CNBD1: variants seen among roughly 807,000 people sequenced by gnomAD.
The protein encoded by CNBD1 is cyclic nucleotide binding domain containing 1.
CNBD1 carries 71 observed loss-of-function variants against 54.4 expected under a neutral mutation model. That is an observed-to-expected ratio of 1.30 (90% CI 1.08 to 1.59). The LOEUF (loss-of-function observed/expected upper bound fraction) is 1.59, where lower values mean the gene tolerates loss of function less well. Among genes scored for constraint, CNBD1 ranks in the 40% most tolerant of loss-of-function variants. The probability of loss-of-function intolerance (pLI) is 0.00; values close to 1 mark genes in which losing one functional copy is unlikely to be tolerated. For synonymous variants in CNBD1, 182 were observed against 170.7 expected, an observed-to-expected ratio of 1.07 and a Z score of -0.51; for missense variants, 659 against 518.0, an observed-to-expected ratio of 1.27 and a Z score of -2.64.
In CNBD1 at chr8:87,183,394, T is replaced by G. The variant is rs1447912430; in HGVS notation, c.432-22599T>G. 4.9e-5 allele frequency among the ~76,000 whole-genome samples: 7 copies of G among 143,012 alleles called. No individual in the cohort carries two copies. In the South Asian group the frequency reaches 6.4e-4, roughly 13 times the overall value. The allele number at this position is 143,012 out of a possible 152,430, so 93.8% of individuals were successfully genotyped here. A position where few individuals can be genotyped will look rare whatever the true frequency, so the allele number is the denominator to read the frequency against. ...TGTTTTTGCGCTGTTTGTTTTTTTT[T>G]TTTTTTTTTGCTAATGATGGCTATA... is the stretch of plus-strand genomic sequence containing the variant. On this transcript the variant is annotated intron_variant, in intron 4 of 10. Transcript: ENST00000518476.
chr8:87,321,930 T>C lies in CNBD1; in HGVS notation c.1043-29755T>C, dbSNP rs550856205. Among the ~76,000 whole-genome samples the C allele has an allele frequency of 2.5e-4, 37 of 149,132 alleles. No homozygotes were observed. The South Asian group carries it at 7.7e-3, about 31-fold the overall frequency. Reference sequence around the variant, plus strand: ...ACCTCGTCATCTAGCCTTAGGTATATCTCCCAATGCTATGCCTCCCCGCTC... The same window carrying C: ...ACCTCGTCATCTAGCCTTAGGTATACCTCCCAATGCTATGCCTCCCCGCTC... On this transcript the variant is annotated intron_variant, in intron 8 of 10. Coordinates refer to ENST00000518476, the MANE Select transcript of CNBD1 (RefSeq NM_173538.3).
chr8:87,411,956 C>CT lies in CNBD1; in HGVS notation c.214-16583dup, dbSNP rs535347404. ...TGTACGGGAGAAGTGTTTGACATAG[C>CT]TTTTTTTGTTTTTCTTATTACTACA... On this transcript the variant is annotated intron_variant, in intron 2 of 7. Transcript: ENST00000521593. Among the ~76,000 whole-genome samples, 110 of 151,874 alleles carry CT rather than the reference C, an allele frequency of 7.2e-4. 1 individual carries two copies. The highest frequency in any genetic ancestry group is 2.5e-3 in the African/African-American group (105 of 41,494).
At chr8:87,186,404 C>A (rs905702471) in intron 4 of CNBD1, among the ~76,000 whole-genome samples, 2 of 152,108 alleles carry the variant, frequency 1.3e-5, no homozygotes, top group African/African-American at 4.8e-5. Flanking sequence ...AAAAATATTT[C>A]TTGACCATCT....
intron 4 of CNBD1, among the ~76,000 whole-genome samples, chr8:87,119,846 T>C (rs556096282): frequency 6.6e-6 from 1 of 152,230 alleles, no homozygotes; most frequent in East Asian, 1.9e-4. Context: ...CATCATATGG[T>C]TTTTGTCCAT....
At chr8:87,372,568 A>G (rs1488606325) in intron 10 of CNBD1, among the ~76,000 whole-genome samples, 4 of 151,926 alleles carry the variant, frequency 2.6e-5, no homozygotes, top group Non-Finnish European at 4.4e-5. Context: ...GAAGATTATG[A>G]TAGGTAGAAA....
chr8:86,963,824 CAG>C (rs1256293373), intron 4 of CNBD1, among the ~76,000 whole-genome samples: 4 of 152,132 alleles, frequency 2.6e-5, no homozygotes, highest in African/African-American at 9.7e-5. Context: ...TCTGAACCAC[CAG>C]AGTCAACGAA....
chr8:86,901,091 C>T (rs1347216906), intron 2 of CNBD1, among the ~76,000 whole-genome samples: 1 of 152,028 alleles, frequency 6.6e-6, no homozygotes, highest in East Asian at 1.9e-4. Context: ...TTTGTAGTGG[C>T]CTAATGTTAA....
intron 8 of CNBD1, among the ~76,000 whole-genome samples, chr8:87,332,282 A>C (rs972575828): frequency 1.3e-5 from 2 of 148,574 alleles, no homozygotes; most frequent in African/African-American, 5.0e-5. Flanking sequence ...CAGGAGGCGG[A>C]GGTTGCAGTG....
chr8:86,892,492 CAA>C (rs1299874882), intron 2 of CNBD1, among the ~76,000 whole-genome samples: 1 of 152,008 alleles, frequency 6.6e-6, no homozygotes, highest in African/African-American at 2.4e-5. Context: ...TTATTTAAAA[CAA>C]AAGAACTAAC....
intron 1 of CNBD1, among the ~76,000 whole-genome samples, chr8:86,876,411 T>C (rs934645741): frequency 1.3e-5 from 2 of 152,046 alleles, no homozygotes; most frequent in African/African-American, 4.8e-5. Context: ...TTTAATGATA[T>C]ATACTGTTAG....
intron 4 of CNBD1, among the ~76,000 whole-genome samples, chr8:86,971,347 G>C (rs976497956): frequency 6.6e-6 from 1 of 152,276 alleles, no homozygotes; most frequent in South Asian, 2.1e-4. Context: ...GGGAAACCAT[G>C]CTCATGATTC....
chr8:87,022,076 T>C (rs1039396747), intron 4 of CNBD1, among the ~76,000 whole-genome samples: 1 of 152,188 alleles, frequency 6.6e-6, no homozygotes, highest in Non-Finnish European at 1.5e-5. Context: ...TCTCATGGAA[T>C]GTCTTGGGTG....
chr8:87,316,317 T>C (rs1163531550), intron 8 of CNBD1, among the ~76,000 whole-genome samples: 1 of 152,004 alleles, frequency 6.6e-6, no homozygotes, highest in Non-Finnish European at 1.5e-5. Flanking sequence ...AAAATTCCTG[T>C]CTAAGTCAAT....
At chr8:87,041,328 G>A (rs1485833998) in intron 4 of CNBD1, among the ~76,000 whole-genome samples, 1 of 152,170 alleles carries the variant, frequency 6.6e-6, no homozygotes, top group Non-Finnish European at 1.5e-5. Flanking sequence ...GCATTTGGGT[G>A]TAGGGGGTTG....
At chr8:87,099,949 C>G (rs560743535) in intron 4 of CNBD1, among the ~76,000 whole-genome samples, 2 of 151,710 alleles carry the variant, frequency 1.3e-5, no homozygotes, top group East Asian at 3.9e-4. Flanking sequence ...AGTGGCAAAC[C>G]CTATTTGTGG....
At chr8:86,937,994 T>C (rs1563829099) in intron 3 of CNBD1, among the ~76,000 whole-genome samples, 2 of 152,184 alleles carry the variant, frequency 1.3e-5, no homozygotes, top group African/African-American at 2.4e-5. Context: ...ACCATATCTT[T>C]GTGAATACAT....
intron 2 of CNBD1, among the ~76,000 whole-genome samples, chr8:86,895,253 G>GGTGTGTGTGTGTGT (rs59497760): frequency 6.9e-6 from 1 of 144,820 alleles, no homozygotes; most frequent in African/African-American, 2.7e-5. Context: ...GTGTGTGCAT[G>GGTGTGTGTGTGTGT]GTGTGTGTGT....
intron 5 of CNBD1, 96 bp from the exon 6 acceptor site, chr8:87,236,821 TAC>T (rs1171382401): frequency 1.6e-6 from 1 of 628,198 alleles, no homozygotes; most frequent in Admixed American, 3.0e-5. Flanking sequence ...CTGAAAGAAA[TAC>T]GTTGAAAGTA....
At chr8:87,349,744 G>C (rs1412774462) in intron 8 of CNBD1, among the ~76,000 whole-genome samples, 1 of 152,176 alleles carries the variant, frequency 6.6e-6, no homozygotes, top group Non-Finnish European at 1.5e-5. Flanking sequence ...TTGCTGTATT[G>C]TCTTCATTGA....
Sources: gnomAD v4.1 joint callset for allele counts (sites outside exome capture counted in the v4.1 genomes callset) on GRCh38, gnomAD v4.1.1 for gene constraint, MANE v1.5 for transcripts, NCBI Gene and HGNC (gene_info 2026-07-23, HGNC 2026-07-21) for gene names.